CPS1: variants seen among roughly 807,000 people sequenced by gnomAD.
The protein encoded by CPS1 is carbamoyl-phosphate synthase 1.
Under a neutral mutation model 174.6 loss-of-function variants are expected in CPS1, and 109 were observed. The observed-to-expected ratio is 0.62, with a 90% CI of 0.53 to 0.73. CPS1 has a LOEUF of 0.73. CPS1 is among the 30% of genes least tolerant of loss of function. CPS1 has a pLI of 0.00. For synonymous variants in CPS1, 637 were observed against 632.0 expected (o/e 1.01, Z -0.12); for missense variants, 1,689 against 1,821.9 (o/e 0.93, Z 1.33).
Position 210,675,835 on chromosome 2 carries a change from C to T in CPS1, c.4269C>T (p.Ile1423=). 6.9e-7 allele frequency: 1 copy of T among 1,444,390 alleles called. No homozygotes were observed. Among genetic ancestry groups the T allele is most frequent in the Non-Finnish European group, 9.8e-7 (1 of 1,025,246 alleles). The allele number at this position is 1,444,390 out of a possible 1,614,324, so 89.5% of individuals were successfully genotyped here. ...QEGQNPSLSS[I]RKLIRDGSID... is the part of the protein sequence containing the mutation. ...GACAGAATCCCAGCCTCTCTTCCAT[C>T]AGAAAGTAAGAACTAGGCATACTGT... Residue 1423 remains isoleucine, a synonymous_variant, in exon 36 of 38, where the codon ATC becomes ATT. Transcript: ENST00000233072.
Position 210,605,133 on chromosome 2 carries a change from A to T in CPS1, c.1868A>T (p.Glu623Val). The change falls in exon 17 of 38, where the codon GAG (glutamate) becomes GTG (valine). Residue 623 changes from glutamate to valine, a missense_variant. Transcript: ENST00000233072. ...AFAMTNQILV[E>V]KSVTGWKEIE... The stretch of plus-strand genomic sequence containing the variant: ...GCTATGACCAACCAAATTCTGGTGG[A>T]GAAGTCAGTGACAGGTTGGAAAGAA... 6.2e-7 allele frequency: 1 copy of T among 1,612,124 alleles called. No individual in the cohort carries two copies.
chr2:210,560,821 C>T (rs552519703), intron 1 of CPS1, among the ~76,000 whole-genome samples: 5 of 152,232 alleles, frequency 3.3e-5, no homozygotes, highest in Admixed American at 2.0e-4. Flanking sequence ...CCTCTGTACA[C>T]GTTAGATGTA....
rs1188340328 is a variant in CPS1 at position 210,590,787 on chromosome 2, C to A, written c.841-13C>A. Reference sequence around the variant, plus strand: ...CTGTACTAATTGGTTAATAAAAATTCTCCCTGATTTAGATTTTGGAGAGTG... The same window carrying A: ...CTGTACTAATTGGTTAATAAAAATTATCCCTGATTTAGATTTTGGAGAGTG... On this transcript the variant is annotated splice_polypyrimidine_tract_variant and intron_variant, in intron 8 of 37. Coordinates refer to ENST00000233072, the MANE Select transcript of CPS1 (RefSeq NM_001875.5). 1 of 1,603,848 alleles carries A rather than the reference C, an allele frequency of 6.2e-7. No homozygotes were observed. The highest frequency in any genetic ancestry group is 1.1e-5 in the South Asian group (1 of 90,892).
In CPS1 at chr2:210,591,913, A is replaced by T. The variant is rs1047883; in HGVS notation, c.1030A>T (p.Thr344Ser). The part of the protein sequence containing the change: ...AQNHGYALDN[T>S]LPAGWKPLFV... ...GAATCATGGCTATGCCTTGGACAAC[A>T]CCCTCCCTGCTGGCTGGAAACCACT... is the stretch of plus-strand genomic sequence containing the variant. The change falls in exon 10 of 38, where the codon ACC (threonine) becomes TCC (serine). Residue 344 changes from threonine (T) to serine (S), a missense_variant. Physicochemically the swap from Thr to Ser is moderately conservative, Grantham distance 58. Transcript: ENST00000233072. 2.7e-3 allele frequency: 4,392 copies of T among 1,611,196 alleles called. 105 individuals carry two copies. The African/African-American group carries it at 0.051, about 19-fold the overall frequency.
At chr2:210,623,087 G>A (rs1699583097) in intron 21 of CPS1, among the ~76,000 whole-genome samples, 2 of 152,192 alleles carry the variant, frequency 1.3e-5, no homozygotes, top group South Asian at 2.1e-4. Flanking sequence ...TCATCAAAGT[G>A]AAGGTTTTCT....
intron 1 of CPS1, among the ~76,000 whole-genome samples, chr2:210,479,796 A>G (rs1047151121): frequency 1.3e-5 from 2 of 152,210 alleles, no homozygotes; most frequent in African/African-American, 4.8e-5. Flanking sequence ...TGATAAATTT[A>G]GGATGATTTT....
chr2:210,676,026 T>G (rs1346585199), intron 36 of CPS1, among the ~76,000 whole-genome samples, 186 bp downstream of exon 36: 2 of 152,144 alleles, frequency 1.3e-5, no homozygotes, highest in East Asian at 3.8e-4. Context: ...GTGTACATGG[T>G]GATATGAAAC....
chr2:210,608,691 G>C, intron 19 of CPS1, 132 bp downstream of exon 19: 1 of 838,816 alleles, frequency 1.2e-6, no homozygotes, highest in Non-Finnish European at 2.0e-6. Context: ...AATTGACAGT[G>C]TTAAAGTTGC....
intron 1 of CPS1, among the ~76,000 whole-genome samples, chr2:210,515,500 C>T (rs896781716): frequency 6.6e-6 from 1 of 150,814 alleles, no homozygotes; most frequent in Non-Finnish European, 1.5e-5. Context: ...TAGATGTGTT[C>T]ATAGTCGTCT....
At chr2:210,501,313 C>A (rs1695133113) in intron 1 of CPS1, among the ~76,000 whole-genome samples, 1 of 152,184 alleles carries the variant, frequency 6.6e-6, no homozygotes, top group African/African-American at 2.4e-5. Flanking sequence ...TAGCAAATTG[C>A]TGTGATAGGC....
At chr2:210,630,037 C>T (rs1395173502) in intron 21 of CPS1, among the ~76,000 whole-genome samples, 3 of 150,394 alleles carry the variant, frequency 2.0e-5, no homozygotes, top group African/African-American at 7.3e-5. Flanking sequence ...CCTGCCACTG[C>T]ACTCCAGCCT....
At chr2:210,594,361 T>A (rs553680643) in intron 11 of CPS1, 147 bp from the exon 12 acceptor site, 1 of 635,724 alleles carries the variant, frequency 1.6e-6, no homozygotes, top group Non-Finnish European at 2.8e-6. Context: ...ATTTAGTTAT[T>A]GACAAAAAAG....
chr2:210,611,818 T>C (rs1699131043), intron 19 of CPS1, among the ~76,000 whole-genome samples: 1 of 151,884 alleles, frequency 6.6e-6, no homozygotes, highest in African/African-American at 2.4e-5. Flanking sequence ...GAATTTCTTA[T>C]TTTAATACTA....
At position 210,561,307 on chromosome 2, in the gene CPS1, C is replaced by G. The variant is rs530636844; in HGVS notation, c.126+4448C>G. Among the ~76,000 whole-genome samples the G allele has an allele frequency of 6.6e-5, 10 of 152,174 alleles. No individual in the cohort carries two copies. The South Asian group carries it at 1.2e-3, about 19-fold the overall frequency. Reference sequence around the variant, plus strand: ...AGGCCCTAAGCACATCACTCAGTACCCTAGTCCCAGCTTTGGGTCAGAAGC... The same window carrying G: ...AGGCCCTAAGCACATCACTCAGTACGCTAGTCCCAGCTTTGGGTCAGAAGC... On this transcript the variant is annotated intron_variant, in intron 1 of 37. Coordinates refer to ENST00000233072, the MANE Select transcript of CPS1 (RefSeq NM_001875.5).
At chr2:210,551,321 C>T (rs1696723947) in intron 1 of CPS1, among the ~76,000 whole-genome samples, 1 of 152,048 alleles carries the variant, frequency 6.6e-6, no homozygotes, top group Admixed American at 6.6e-5. Flanking sequence ...ATAATCCACT[C>T]TGTCCTTTTA....
intron 21 of CPS1, among the ~76,000 whole-genome samples, chr2:210,625,029 T>C (rs1699654432): frequency 6.6e-6 from 1 of 152,090 alleles, no homozygotes; most frequent in Non-Finnish European, 1.5e-5. Context: ...ATGGGATATA[T>C]ATTTACTTGA....
chr2:210,504,038 G>A (rs1484834001), intron 1 of CPS1, among the ~76,000 whole-genome samples: 2 of 151,928 alleles, frequency 1.3e-5, no homozygotes, highest in Non-Finnish European at 2.9e-5. Flanking sequence ...TTTTTTCAAA[G>A]AGATTGCATT....
chr2:210,654,887 T>C (rs1304852249), intron 29 of CPS1, among the ~76,000 whole-genome samples: 1 of 152,178 alleles, frequency 6.6e-6, no homozygotes, highest in African/African-American at 2.4e-5. Flanking sequence ...AAAATGGTAA[T>C]GGTATCTACT....
Position 210,578,431 on chromosome 2 carries a change from A to G in CPS1, c.471+921A>G, listed in dbSNP as rs572988065. Among the ~76,000 whole-genome samples the G allele has an allele frequency of 5.3e-5, 8 of 152,230 alleles. No individual in the cohort carries two copies. In the East Asian group the frequency reaches 1.5e-3, roughly 29 times the overall value. On this transcript the variant is annotated intron_variant, in intron 4 of 37. Coordinates refer to ENST00000233072, the MANE Select transcript of CPS1 (RefSeq NM_001875.5). ...GCCCAGCCATAAATATTAATTTCCA[A>G]TGAAAAAAGAGCATTTGCCTTGTTT... is the stretch of plus-strand genomic sequence containing the variant.
Sources: gnomAD v4.1 joint callset for allele counts (sites outside exome capture counted in the v4.1 genomes callset) on GRCh38, gnomAD v4.1.1 for gene constraint, MANE v1.5 for transcripts, NCBI Gene and HGNC (gene_info 2026-07-23, HGNC 2026-07-21) for gene names.